Variants in PDZD2 observed in about 807,000 individuals in gnomAD.
PDZD2 encodes the protein PDZ domain-containing protein 2.
In PDZD2, 90 loss-of-function variants were observed where a neutral mutation model predicts 220.7. The observed-to-expected ratio is 0.41, with a 90% CI of 0.34 to 0.49. PDZD2 has a LOEUF of 0.49. Ranked by LOEUF, PDZD2 falls within the 20% of genes least tolerant of loss-of-function variation. The probability of loss-of-function intolerance (pLI) is 0.28; values close to 1 mark genes in which losing one functional copy is unlikely to be tolerated. For missense variants in PDZD2, 3,174 were observed against 3,608.5 expected, an observed-to-expected ratio of 0.88 and a Z score of 3.08; for synonymous variants, 1,375 against 1,450.5, an observed-to-expected ratio of 0.95 and a Z score of 1.18.
chr5:32,061,116 C>A lies in PDZD2; in HGVS notation c.2433C>A (p.Gly811=). 4 of 1,614,154 alleles carry A rather than the reference C, an allele frequency of 2.5e-6. No individual in the cohort carries two copies. The highest frequency in any genetic ancestry group is 3.4e-6 in the Non-Finnish European group (4 of 1,180,008). Reference sequence around the variant, plus strand: ...CAGGACCCGTTCGCCTTGTCATCGGCCGGCACCCTAATCCAAAGGTGAGGT... The same window carrying A: ...CAGGACCCGTTCGCCTTGTCATCGGACGGCACCCTAATCCAAAGGTGAGGT... ...CPPGPVRLVI[G]RHPNPKVSEQ... Residue 811 remains glycine (G), a synonymous_variant, in exon 14 of 25, where the codon GGC becomes GGA. Coordinates refer to ENST00000438447, the MANE Select transcript of PDZD2 (RefSeq NM_178140.4).
At chr5:31,948,615 C>G (rs1404464871) in intron 2 of PDZD2, among the ~76,000 whole-genome samples, 1 of 152,074 alleles carries the variant, frequency 6.6e-6, no homozygotes, top group Non-Finnish European at 1.5e-5. Context: ...TACAGATTTG[C>G]AGACATAAGG....
At chr5:32,070,268 A>C (rs771256792) in intron 15 of PDZD2, among the ~76,000 whole-genome samples, 1 of 152,198 alleles carries the variant, frequency 6.6e-6, no homozygotes, top group Non-Finnish European at 1.5e-5. Context: ...TGGGAGGAAA[A>C]GGAACTGAGA....
chr5:31,702,501 G>T (rs1204313702), intron 1 of PDZD2, among the ~76,000 whole-genome samples: 1 of 152,216 alleles, frequency 6.6e-6, no homozygotes. Flanking sequence ...TCTAAGGGCA[G>T]AAGTCGGCCT....
chr5:31,830,478 G>A (rs773358085), intron 2 of PDZD2, among the ~76,000 whole-genome samples: 7 of 151,892 alleles, frequency 4.6e-5, no homozygotes, highest in Non-Finnish European at 1.0e-4. Flanking sequence ...ACCTGGCTCT[G>A]ATGGCATTTT....
intron 19 of PDZD2, among the ~76,000 whole-genome samples, chr5:32,084,250 G>A (rs1208177563): frequency 1.3e-5 from 2 of 152,212 alleles, no homozygotes; most frequent in Admixed American, 6.5e-5. Flanking sequence ...ATTGCCAAGG[G>A]CTCTCCACAC....
At chr5:31,886,037 T>A (rs1474099884) in intron 2 of PDZD2, among the ~76,000 whole-genome samples, 1 of 151,938 alleles carries the variant, frequency 6.6e-6, no homozygotes, top group Non-Finnish European at 1.5e-5. Context: ...GTAGCTGGGA[T>A]TACAGGCACC....
chr5:31,913,283 G>A (rs1743362869), intron 2 of PDZD2, among the ~76,000 whole-genome samples: 1 of 151,674 alleles, frequency 6.6e-6, no homozygotes, highest in African/African-American at 2.4e-5. Flanking sequence ...AGAGGTTGCA[G>A]TGAGCTGAGA....
At chr5:31,839,222 T>TA (rs988168859) in intron 2 of PDZD2, among the ~76,000 whole-genome samples, 1 of 152,238 alleles carries the variant, frequency 6.6e-6, no homozygotes, top group African/African-American at 2.4e-5. Context: ...TGCAAAATCT[T>TA]AATTTATCTT....
At chr5:31,908,576 A>G (rs1329678504) in intron 2 of PDZD2, 1 of 981,020 alleles carries the variant, frequency 1.0e-6, no homozygotes, top group East Asian at 3.2e-5. Flanking sequence ...ACTGTCATGA[A>G]CCATCACTTT....
intron 1 of PDZD2, among the ~76,000 whole-genome samples, chr5:31,670,313 G>C (rs1473478818): frequency 6.6e-6 from 1 of 152,196 alleles, no homozygotes; most frequent in Non-Finnish European, 1.5e-5. Flanking sequence ...ACTTTAGTTT[G>C]ACTTCCACAA....
chr5:32,057,249 A>G (rs954770698), intron 10 of PDZD2, among the ~76,000 whole-genome samples: 6 of 152,202 alleles, frequency 3.9e-5, no homozygotes, highest in African/African-American at 1.4e-4. Context: ...CTACAAATAT[A>G]GGAGTGACTT....
intron 2 of PDZD2, among the ~76,000 whole-genome samples, chr5:31,859,062 A>C (rs1010528877): frequency 6.6e-6 from 1 of 152,052 alleles, no homozygotes; most frequent in East Asian, 1.9e-4. Flanking sequence ...AGACCTGCCA[A>C]GTGGTCCTGT....
intron 2 of PDZD2, among the ~76,000 whole-genome samples, chr5:31,952,013 G>A (rs1747226579): frequency 6.6e-6 from 1 of 152,074 alleles, no homozygotes; most frequent in South Asian, 2.1e-4. Context: ...CTTTGAAACA[G>A]GTTTAAACCT....
chr5:31,962,684 C>T (rs192509620), intron 2 of PDZD2, among the ~76,000 whole-genome samples: 1 of 152,130 alleles, frequency 6.6e-6, no homozygotes, highest in Non-Finnish European at 1.5e-5. Flanking sequence ...TGGTTTGCAC[C>T]CCAGCCTGGG....
chr5:32,046,142 A>T (rs540705954), intron 7 of PDZD2, among the ~76,000 whole-genome samples: 14 of 152,374 alleles, frequency 9.2e-5, no homozygotes, highest in African/African-American at 3.1e-4. Context: ...TATGTAGTTG[A>T]TACATCACTT....
chr5:32,039,266 C>G (rs1262227729), intron 7 of PDZD2, among the ~76,000 whole-genome samples: 2 of 151,594 alleles, frequency 1.3e-5, no homozygotes, highest in Non-Finnish European at 2.9e-5. Flanking sequence ...GCCCCCACTC[C>G]TGATTGGTTT....
At chr5:32,059,004 T>G (rs1561474161) in intron 12 of PDZD2, among the ~76,000 whole-genome samples, 2 of 152,108 alleles carry the variant, frequency 1.3e-5, no homozygotes, top group African/African-American at 4.8e-5. Flanking sequence ...AAGCAGAGAG[T>G]TGACCGTCGG....
At chr5:32,085,727 G>A (rs897787311) in intron 19 of PDZD2, among the ~76,000 whole-genome samples, 2 of 152,126 alleles carry the variant, frequency 1.3e-5, no homozygotes, top group Non-Finnish European at 2.9e-5. Context: ...GATTACAGGC[G>A]TGAGCCACCA....
At chr5:32,007,435 T>A (rs1426509944) in intron 5 of PDZD2, among the ~76,000 whole-genome samples, 1 of 152,044 alleles carries the variant, frequency 6.6e-6, no homozygotes, top group Non-Finnish European at 1.5e-5. Context: ...GAAGTAGAAT[T>A]GACATCACAG....
Sources: gnomAD v4.1 joint callset for allele counts (sites outside exome capture counted in the v4.1 genomes callset) on GRCh38, gnomAD v4.1.1 for gene constraint, MANE v1.5 for transcripts, NCBI Gene and HGNC (gene_info 2026-07-23, HGNC 2026-07-21) for gene names.